The following STAT5B variants were observed in gnomAD, a reference collection of about 807,000 sequenced individuals.
STAT5B encodes the protein transcription factor STAT5B.
A neutral mutation model predicts 107.8 loss-of-function variants in STAT5B; 21 were observed. The ratio of observed to expected loss-of-function variants is 0.19; its 90% confidence interval spans 0.14 to 0.28. The LOEUF is 0.28. Among genes scored for constraint, STAT5B ranks in the 10% least tolerant of loss-of-function variants. The pLI is 1.00. For missense variants in STAT5B, 565 were observed against 1,008.2 expected, an observed-to-expected ratio of 0.56 and a Z score of 5.95; for synonymous variants, 325 against 401.7, an observed-to-expected ratio of 0.81 and a Z score of 2.28.
At position 42,202,684 on chromosome 17, in the gene STAT5B, A is replaced by G. The variant is rs759822682; in HGVS notation, c.2129+73T>C. On this transcript the variant is annotated intron_variant, in intron 17 of 18. Coordinates refer to ENST00000293328, the MANE Select transcript of STAT5B (RefSeq NM_012448.4). Reference sequence around the variant, plus strand: ...CGGGGGAGCGGAAAGCTGGGCCAGGATAAGGATGGGAGGCAGGGTCTGGGG... The same window carrying G: ...CGGGGGAGCGGAAAGCTGGGCCAGGGTAAGGATGGGAGGCAGGGTCTGGGG... The G allele has an allele frequency of 4.3e-6, 7 of 1,610,616 alleles. No homozygotes were observed. The South Asian group carries it at 6.6e-5, about 15-fold the overall frequency.
intron 12 of STAT5B, 94 bp from the exon 13 acceptor site, chr17:42,212,284 T>G: frequency 1.3e-6 from 2 of 1,588,394 alleles, no homozygotes; most frequent in Admixed American, 3.5e-5. Flanking sequence ...CTGGGAGTGG[T>G]TACACACATT....
At chr17:42,253,903 T>C (rs928487780) in intron 1 of STAT5B, among the ~76,000 whole-genome samples, 2 of 152,186 alleles carry the variant, frequency 1.3e-5, no homozygotes, top group African/African-American at 4.8e-5. Context: ...ACTGCATTTG[T>C]AGACATTGTA....
chr17:42,266,197 T>G (rs72820899), intron 1 of STAT5B, among the ~76,000 whole-genome samples: 7,996 of 152,052 alleles, frequency 0.053, 292 homozygotes, highest in Non-Finnish European at 0.083. Flanking sequence ...AATGTTAAGT[T>G]CTGTGCAAAC....
At chr17:42,210,664 A>G in intron 13 of STAT5B, 167 bp from the exon 14 acceptor site, 1 of 693,106 alleles carries the variant, frequency 1.4e-6, no homozygotes, top group Non-Finnish European at 2.5e-6. Flanking sequence ...ATGGAGAGGA[A>G]AAGAGGGAAG....
intron 12 of STAT5B, 51 bp from the exon 13 acceptor site, chr17:42,212,241 T>C (rs2080135622): frequency 2.5e-6 from 4 of 1,612,754 alleles, no homozygotes. Flanking sequence ...GCATGATTTA[T>C]TCCCTCAAGC....
In STAT5B at chr17:42,219,287, CCCGCTGG is replaced by C; in HGVS notation, c.833+18_833+24del. On this transcript the variant is annotated intron_variant, in intron 7 of 18. Coordinates refer to ENST00000293328, the MANE Select transcript of STAT5B (RefSeq NM_012448.4). The stretch of plus-strand genomic sequence containing the variant: ...ATCCCCACCAGCCCCTCCTGCCCTG[CCCGCTGG>C]CCGCCCCACACCATTACCAGGACTG... 1 of 1,586,796 alleles carries C rather than the reference CCCGCTGG, an allele frequency of 6.3e-7. No homozygotes were observed. The highest frequency in any genetic ancestry group is 1.1e-5 in the South Asian group (1 of 88,822).
chr17:42,249,899 C>A (rs987962642), intron 1 of STAT5B, among the ~76,000 whole-genome samples: 3 of 152,056 alleles, frequency 2.0e-5, no homozygotes, highest in Non-Finnish European at 4.4e-5. Flanking sequence ...TGAACTCAAG[C>A]GCTCCACCCA....
chr17:42,233,445 G>C (rs893976075), intron 1 of STAT5B, among the ~76,000 whole-genome samples: 1 of 151,158 alleles, frequency 6.6e-6, no homozygotes, highest in African/African-American at 2.4e-5. Context: ...TTCCACCTAA[G>C]AGTTGGAAAT....
chr17:42,215,901 T>C (rs2080167671), intron 12 of STAT5B, 113 bp downstream of exon 12: 3 of 1,199,236 alleles, frequency 2.5e-6, no homozygotes, highest in Non-Finnish European at 3.6e-6. Context: ...GGATTACAAG[T>C]GTGAGTCACT....
In STAT5B at chr17:42,201,320, T is replaced by G; in HGVS notation, c.*418A>C. On this transcript the variant is annotated 3_prime_UTR_variant, in exon 19 of 19. Coordinates refer to ENST00000293328, the MANE Select transcript of STAT5B (RefSeq NM_012448.4). ...AAGACTCACTGGAGCACATGTGCTT[T>G]CTCCTCCCTTTGTCCTTCTCTTATT... is the stretch of plus-strand genomic sequence containing the variant. The G allele has an allele frequency of 1.8e-6, 1 of 546,174 alleles. No individual in the cohort carries two copies. Among genetic ancestry groups the G allele is most frequent in the South Asian group, 2.8e-5 (1 of 35,602 alleles). 33.8% of individuals were successfully genotyped at this position (546,174 alleles called of 1,614,324 possible). A position where few individuals can be genotyped will look rare whatever the true frequency, so the allele number is the denominator to read the frequency against.
At chr17:42,222,275 G>C (rs562839399) in intron 5 of STAT5B, among the ~76,000 whole-genome samples, 2 of 152,144 alleles carry the variant, frequency 1.3e-5, no homozygotes, top group Non-Finnish European at 2.9e-5. Flanking sequence ...CATGGAAGCA[G>C]AGAGGAAACT....
intron 15 of STAT5B, 145 bp from the exon 16 acceptor site, chr17:42,207,873 T>A (rs2080098894): frequency 2.4e-6 from 2 of 836,244 alleles, no homozygotes; most frequent in Non-Finnish European, 3.7e-6. Flanking sequence ...GGGTTATAGA[T>A]GAAATACTTT....
Position 42,216,044 on chromosome 17 carries a change from A to G in STAT5B, c.1443T>C (p.Thr481=), listed in dbSNP as rs2144237144. ...CTGCAAAAGCATTGTCCCAGAGAAC[A>G]GTGGCCGTCGCATTGTTGTCCTGGC... ...HGSQDNNATA[T]VLWDNAFAEP... is the part of the protein sequence containing the mutation. The change falls in exon 12 of 19, where the codon ACT becomes ACC. Residue 481 remains threonine (T), a synonymous_variant. Coordinates refer to ENST00000293328, the MANE Select transcript of STAT5B (RefSeq NM_012448.4). 1 of 1,614,094 alleles carries G rather than the reference A, an allele frequency of 6.2e-7. No homozygotes were observed. Among genetic ancestry groups the G allele is most frequent in the East Asian group, 2.2e-5 (1 of 44,888 alleles).
rs145517679 is a variant in STAT5B at position 42,215,619 on chromosome 17, T to G, written c.1473+395A>C. Reference sequence around the variant, plus strand: ...AAAGAAAACAGCGTCTTTTTTCCTATGCTTTTTTTTTATTATTGAGATGGA... The same window carrying G: ...AAAGAAAACAGCGTCTTTTTTCCTAGGCTTTTTTTTTATTATTGAGATGGA... On this transcript the variant is annotated intron_variant, in intron 12 of 18. Coordinates refer to ENST00000293328, the MANE Select transcript of STAT5B (RefSeq NM_012448.4). 2.6e-5 allele frequency among the ~76,000 whole-genome samples: 4 copies of G among 152,208 alleles called. No homozygotes were observed. In the East Asian group the frequency reaches 5.8e-4, roughly 22 times the overall value.
chr17:42,262,970 G>GTGTATATA (rs2080626695), intron 1 of STAT5B, among the ~76,000 whole-genome samples: 2 of 20,944 alleles, frequency 9.5e-5, no homozygotes, highest in African/African-American at 1.9e-4. Context: ...GTGTGTGTGT[G>GTGTATATA]TATATATATA....
chr17:42,219,879 CCA>C, intron 5 of STAT5B, 37 bp from the exon 6 acceptor site: 1 of 1,613,994 alleles, frequency 6.2e-7, no homozygotes, highest in Non-Finnish European at 8.5e-7. Flanking sequence ...CCATCACCTC[CCA>C]GTGTCCAACA....
the STAT5B span, among the ~76,000 whole-genome samples, chr17:42,285,619 A>G: frequency 6.6e-6 from 1 of 152,188 alleles, no homozygotes; most frequent in Non-Finnish European, 1.5e-5. Flanking sequence ...TTGTGGTGGG[A>G]AATCACCCAC....
upstream of STAT5B, among the ~76,000 whole-genome samples, chr17:42,278,996 T>C (rs1307080939): frequency 6.8e-6 from 1 of 147,810 alleles, no homozygotes; most frequent in Non-Finnish European, 1.5e-5. Flanking sequence ...AAAAAAATAT[T>C]TGTAAAGACA....
At chr17:42,232,984 G>A (rs2080329364) in intron 1 of STAT5B, among the ~76,000 whole-genome samples, 1 of 151,560 alleles carries the variant, frequency 6.6e-6, no homozygotes, top group African/African-American at 2.4e-5. Flanking sequence ...TGAGATTACA[G>A]GTGCCCGCCA....
Sources: allele counts gnomAD v4.1 joint callset (sites outside exome capture counted in the v4.1 genomes callset), GRCh38; gene constraint gnomAD v4.1.1; transcripts MANE v1.5; gene names NCBI Gene and HGNC (gene_info 2026-07-23, HGNC 2026-07-21).